The following NIBAN3 variants were observed in gnomAD, a reference collection of about 807,000 sequenced individuals.
NIBAN3 encodes the protein niban apoptosis regulator 3.
Under a neutral mutation model 76.4 loss-of-function variants are expected in NIBAN3, and 66 were observed. The observed-to-expected ratio is 0.86, with a 90% CI of 0.71 to 1.06. NIBAN3 has a LOEUF of 1.06. NIBAN3 is among the 50% of genes least tolerant of loss of function. The pLI is 0.00. For missense variants in NIBAN3, 808 were observed against 810.7 expected, an observed-to-expected ratio of 1.00 and a Z score of 0.04; for synonymous variants, 360 against 355.2, an observed-to-expected ratio of 1.01 and a Z score of -0.15.
intron 12 of NIBAN3, among the ~76,000 whole-genome samples, chr19:17,544,209 T>G (rs564280381): frequency 6.6e-6 from 1 of 151,492 alleles, no homozygotes; most frequent in South Asian, 2.1e-4. Flanking sequence ...GGTGGGAGGA[T>G]CAATTGAGCC....
chr19:17,532,204 C>G, intron 2 of NIBAN3, 59 bp from the exon 3 acceptor site: 1 of 1,549,734 alleles, frequency 6.5e-7, no homozygotes, highest in Non-Finnish European at 8.7e-7. Context: ...TCTGGGTGGT[C>G]GGGCCACAGG....
At chr19:17,531,031 C>G in intron 2 of NIBAN3, 146 bp downstream of exon 2, 1 of 1,016,164 alleles carries the variant, frequency 9.8e-7, no homozygotes, top group Non-Finnish European at 1.3e-6. Context: ...ATTCACTGAG[C>G]AGCCAAGCAA....
At chr19:17,548,663 C>T (rs1165397333) in intron 13 of NIBAN3, among the ~76,000 whole-genome samples, 2 of 152,272 alleles carry the variant, frequency 1.3e-5, no homozygotes, top group East Asian at 1.9e-4. Context: ...CTGTGGCTCA[C>T]GCCTGTAAAC....
intron 4 of NIBAN3, among the ~76,000 whole-genome samples, chr19:17,534,290 G>A (rs552767472): frequency 2.5e-4 from 38 of 152,112 alleles, no homozygotes; most frequent in Admixed American, 1.6e-3. Context: ...CGAGGTGGGC[G>A]GATCACTTGA....
At chr19:17,546,301 A>C (rs2076053766) in intron 12 of NIBAN3, 2 of 157,600 alleles carry the variant, frequency 1.3e-5, no homozygotes, top group Admixed American at 1.2e-4. Context: ...ATTTTGTTAT[A>C]CTGGAACAGC....
intron 3 of NIBAN3, 83 bp downstream of exon 3, chr19:17,532,471 C>T: frequency 6.3e-7 from 1 of 1,589,606 alleles, no homozygotes; most frequent in Non-Finnish European, 8.6e-7. Context: ...GGATCCATAT[C>T]TCAGCATAGC....
chr19:17,533,357 C>G, intron 3 of NIBAN3: 1 of 431,510 alleles, frequency 2.3e-6, no homozygotes, highest in Non-Finnish European at 4.1e-6. Context: ...TTGCGGTGAG[C>G]TGAGATCGCG....
chr19:17,549,634 G>T, intron 14 of NIBAN3, 107 bp downstream of exon 14: 1 of 908,920 alleles, frequency 1.1e-6, no homozygotes, highest in Non-Finnish European at 1.8e-6. Context: ...GTTCATGGAC[G>T]GAACAGAATG....
chr19:17,544,454 C>T (rs2076013797), intron 12 of NIBAN3, among the ~76,000 whole-genome samples: 1 of 152,072 alleles, frequency 6.6e-6, no homozygotes, highest in South Asian at 2.1e-4. Context: ...CACCTGGTGA[C>T]ATGGGCATCA....
chr19:17,539,432 G>A lies in NIBAN3; in HGVS notation c.797G>A (p.Arg266His). The A allele has an allele frequency of 1.3e-6, 2 of 1,502,988 alleles. No individual in the cohort carries two copies. The highest frequency in any genetic ancestry group is 1.8e-6 in the Non-Finnish European group (2 of 1,130,618). The allele number at this position is 1,502,988 out of a possible 1,614,324, so 93.1% of individuals were successfully genotyped here. A position where few individuals can be genotyped will look rare whatever the true frequency, so the allele number is the denominator to read the frequency against. Residue 266 changes from arginine to histidine, a missense_variant, in exon 7 of 15, where the codon CGC (arginine) becomes CAC (histidine). Transcript: ENST00000599164. Reference sequence around the variant, plus strand: ...GGCCTGCGGGGGGCAGGCCGCGCCCGCGCCTGGGCCTGGACCGAGGTATGC... The same window carrying A: ...GGCCTGCGGGGGGCAGGCCGCGCCCACGCCTGGGCCTGGACCGAGGTATGC... ...LPGLRGAGRA[R>H]AWAWTELLDA...
chr19:17,551,022 T>C (rs551602887), intron 14 of NIBAN3, among the ~76,000 whole-genome samples: 5 of 152,136 alleles, frequency 3.3e-5, no homozygotes. Flanking sequence ...TTAGCTCCTT[T>C]TCTGAGAACC....
At position 17,553,530 on chromosome 19, in the gene NIBAN3, T is replaced by C; in HGVS notation, c.*1632T>C. On this transcript the variant is annotated 3_prime_UTR_variant, in exon 15 of 15. Transcript: ENST00000599164. ...CCCTGGAGACCGTTTCCTCCCATTC[T>C]GTCTGGAGTTTTCGGCCTACCCCAA... The C allele has an allele frequency of 6.2e-7, 1 of 1,614,250 alleles. No individual in the cohort carries two copies. The highest frequency in any genetic ancestry group is 1.3e-5 in the African/African-American group (1 of 75,070).
Position 17,553,088 on chromosome 19 carries a change from C to A in NIBAN3, c.*1190C>A. 1 of 588,924 alleles carries A rather than the reference C, an allele frequency of 1.7e-6. No homozygotes were observed. Among genetic ancestry groups the A allele is most frequent in the Non-Finnish European group, 2.6e-6 (1 of 380,838 alleles). 36.5% of individuals were successfully genotyped at this position (588,924 alleles called of 1,614,324 possible). A position where few individuals can be genotyped will look rare whatever the true frequency, so the allele number is the denominator to read the frequency against. On this transcript the variant is annotated 3_prime_UTR_variant, in exon 15 of 15. Transcript: ENST00000599164. ...GAGACCCTGTCTCAAAAAACAAAATCCAAATATGTTGATTAGCCATTTACA... is the reference window on the plus strand; with the variant it reads ...GAGACCCTGTCTCAAAAAACAAAATACAAATATGTTGATTAGCCATTTACA...
downstream of NIBAN3, among the ~76,000 whole-genome samples, chr19:17,554,797 AAATAATAAT>A (rs71162154): frequency 7.2e-6 from 1 of 138,138 alleles, no homozygotes; most frequent in Admixed American, 7.4e-5. Flanking sequence ...AAAAAAAAGA[AAATAATAAT>A]AATAATAATA....
chr19:17,533,634 A>C lies in NIBAN3; in HGVS notation c.360A>C (p.Gly120=). Reference sequence around the variant, plus strand: ...GCCTTGGCTCAACAGCCCTGACAGGATACACGCTCCTGACTTCCCAGCGAG... The same window carrying C: ...GCCTTGGCTCAACAGCCCTGACAGGCTACACGCTCCTGACTTCCCAGCGAG... ...GHCLGSTALT[G]YTLLTSQREY... Residue 120 remains glycine (G), a synonymous_variant, in exon 4 of 15, where the codon GGA becomes GGC. Coordinates refer to ENST00000599164, the MANE Select transcript of NIBAN3 (RefSeq NM_001321827.2). The C allele has an allele frequency of 6.2e-7, 1 of 1,614,070 alleles. No homozygotes were observed. Among genetic ancestry groups the C allele is most frequent in the Non-Finnish European group, 8.5e-7 (1 of 1,179,998 alleles).
chr19:17,524,056 T>C (rs2075582500), upstream of NIBAN3, among the ~76,000 whole-genome samples: 1 of 152,022 alleles, frequency 6.6e-6, no homozygotes, highest in Non-Finnish European at 1.5e-5. Context: ...TCCCAGCTAA[T>C]TTTGGTATTT....
At chr19:17,539,519 G>A in intron 7 of NIBAN3, 68 bp downstream of exon 7, 1 of 1,461,110 alleles carries the variant, frequency 6.8e-7, no homozygotes, top group Non-Finnish European at 9.1e-7. Flanking sequence ...TCCCACGACT[G>A]TCGCCTAAAC....
chr19:17,553,216 CTT>C lies in NIBAN3; in HGVS notation c.*1320_*1321del, dbSNP rs1350243607. 1.2e-5 allele frequency: 18 copies of C among 1,521,528 alleles called. No individual in the cohort carries two copies. Among genetic ancestry groups the C allele is most frequent in the Middle Eastern group, 2.5e-4 (1 of 4,050 alleles). 94.3% of individuals were successfully genotyped at this position (1,521,528 alleles called of 1,614,324 possible). Reference sequence around the variant, plus strand: ...TTTTTCTTATTGATATCTAATAACTCTTTATATCTGAAGGATATGAACGCTTT... The same window carrying C: ...TTTTTCTTATTGATATCTAATAACTCTATATCTGAAGGATATGAACGCTTT... On this transcript the variant is annotated 3_prime_UTR_variant, in exon 15 of 15. Coordinates refer to ENST00000599164, the MANE Select transcript of NIBAN3 (RefSeq NM_001321827.2).
In NIBAN3 at chr19:17,533,822, T is replaced by C. The variant is rs914959681; in HGVS notation, c.427+121T>C. The stretch of plus-strand genomic sequence containing the variant: ...ACAGCAGGGCAGTAAGCAGCATCCC[T>C]GGCTTCCACCCACTCCCTGCCTGCA... On this transcript the variant is annotated intron_variant, in intron 4 of 14. Transcript: ENST00000599164. The C allele has an allele frequency of 5.5e-6, 4 of 721,654 alleles. No homozygotes were observed. In the African/African-American group the frequency reaches 7.0e-5, roughly 13 times the overall value. The allele number at this position is 721,654 out of a possible 1,614,324, so 44.7% of individuals were successfully genotyped here.
Sources: allele counts gnomAD v4.1 joint callset (sites outside exome capture counted in the v4.1 genomes callset), GRCh38; gene constraint gnomAD v4.1.1; transcripts MANE v1.5; gene names NCBI Gene and HGNC (gene_info 2026-07-23, HGNC 2026-07-21).